The following TPD52 variants were observed in gnomAD, a reference collection of about 807,000 sequenced individuals.
TPD52 encodes the protein tumor protein D52.
A neutral mutation model predicts 31.3 loss-of-function variants in TPD52; 17 were observed. The ratio of observed to expected loss-of-function variants is 0.54; its 90% CI spans 0.37 to 0.82. The LOEUF is 0.82. Among genes scored for constraint, TPD52 ranks in the 40% least tolerant of loss-of-function variants. The pLI is 0.00. For synonymous variants in TPD52, 83 were observed against 89.6 expected, an observed-to-expected ratio of 0.93 and a Z score of 0.42; for missense variants, 212 against 240.1, an observed-to-expected ratio of 0.88 and a Z score of 0.77.
intron 1 of TPD52, among the ~76,000 whole-genome samples, chr8:80,088,414 T>C (rs1402904334): frequency 6.6e-6 from 1 of 152,166 alleles, no homozygotes; most frequent in East Asian, 1.9e-4. Context: ...AGTCATGTTA[T>C]CTCCAATTTC....
chr8:80,088,938 G>A (rs887825760), intron 1 of TPD52, among the ~76,000 whole-genome samples: 2 of 152,044 alleles, frequency 1.3e-5, no homozygotes, highest in Non-Finnish European at 1.5e-5. Context: ...CTCGTGATCC[G>A]CCCGCCTCGG....
At chr8:80,146,945 G>A (rs1218579452) in intron 1 of TPD52, among the ~76,000 whole-genome samples, 1 of 152,156 alleles carries the variant, frequency 6.6e-6, no homozygotes, top group Non-Finnish European at 1.5e-5. Flanking sequence ...AGCATCACCT[G>A]TGAACTTGCT....
chr8:80,163,380 C>T (rs886459336), intron 1 of TPD52, among the ~76,000 whole-genome samples: 7 of 152,190 alleles, frequency 4.6e-5, no homozygotes, highest in Non-Finnish European at 1.5e-5. Flanking sequence ...ACAAATACTG[C>T]ATGATTCCAC....
chr8:80,071,611 T>C (rs1185529734), intron 1 of TPD52, among the ~76,000 whole-genome samples: 1 of 152,042 alleles, frequency 6.6e-6, no homozygotes, highest in African/African-American at 2.4e-5. Flanking sequence ...CTCTCCTCCC[T>C]CCTGGTTTTT....
At chr8:80,100,130 G>A (rs1806629796) in intron 1 of TPD52, among the ~76,000 whole-genome samples, 4 of 152,190 alleles carry the variant, frequency 2.6e-5, no homozygotes. Context: ...ATTTGATTTA[G>A]AAAGATAATC....
chr8:80,052,854 G>C (rs1275634043), intron 3 of TPD52, among the ~76,000 whole-genome samples: 1 of 152,056 alleles, frequency 6.6e-6, no homozygotes, highest in Non-Finnish European at 1.5e-5. Context: ...TAATAATAAA[G>C]ACTGGCTCCA....
chr8:80,065,135 C>CTTT (rs199748248), intron 1 of TPD52, among the ~76,000 whole-genome samples: 2 of 151,700 alleles, frequency 1.3e-5, no homozygotes, highest in African/African-American at 4.8e-5. Flanking sequence ...CTTGTAAGTT[C>CTTT]TTTTTTTGTT....
chr8:80,037,923 T>C lies in TPD52; in HGVS notation c.*193A>G. Reference sequence around the variant, plus strand: ...TAAATAAAGGAACATAAATGTACACTAAAGGGTGTTTCCCAAGAATAGAGG... The same window carrying C: ...TAAATAAAGGAACATAAATGTACACCAAAGGGTGTTTCCCAAGAATAGAGG... On this transcript the variant is annotated 3_prime_UTR_variant, in exon 8 of 8. Coordinates refer to ENST00000518937, the MANE Select transcript of TPD52 (RefSeq NM_001025253.3). The C allele has an allele frequency of 1.6e-6, 1 of 631,672 alleles. No individual in the cohort carries two copies. 39.1% of individuals were successfully genotyped at this position (631,672 alleles called of 1,614,324 possible).
intron 1 of TPD52, among the ~76,000 whole-genome samples, chr8:80,100,089 C>T (rs758177137): frequency 6.6e-6 from 1 of 152,140 alleles, no homozygotes; most frequent in Admixed American, 6.5e-5. Context: ...TCAAAACACG[C>T]AATTTTAAAT....
chr8:80,108,449 A>G (rs1410263161), intron 1 of TPD52, among the ~76,000 whole-genome samples: 3 of 152,124 alleles, frequency 2.0e-5, no homozygotes, highest in Admixed American at 2.0e-4. Context: ...TTATAATGAA[A>G]CCTCATTAGA....
At chr8:80,126,188 A>C (rs1563644823) in intron 1 of TPD52, among the ~76,000 whole-genome samples, 3 of 152,212 alleles carry the variant, frequency 2.0e-5, no homozygotes, top group African/African-American at 7.2e-5. Flanking sequence ...TGAAAAACTA[A>C]GCATAAATTT....
At chr8:80,140,859 G>T (rs532175174) in intron 1 of TPD52, among the ~76,000 whole-genome samples, 35 of 152,040 alleles carry the variant, frequency 2.3e-4, no homozygotes, top group African/African-American at 7.7e-4. Flanking sequence ...CCTCAGATTT[G>T]ATTTAACCCT....
chr8:80,079,823 TAAAA>T lies in TPD52; in HGVS notation c.20-15234_20-15231del, dbSNP rs11293416. 2.0e-5 allele frequency among the ~76,000 whole-genome samples: 3 copies of T among 150,660 alleles called. No individual in the cohort carries two copies. In the South Asian group the frequency reaches 6.3e-4, roughly 32 times the overall value. On this transcript the variant is annotated intron_variant, in intron 1 of 7. Transcript: ENST00000518937. ...GGTACAGCAATTTCTAGTTTTTCTT[TAAAA>T]AAAAAAAAATCTCTTGCCTAGCAAT...
intron 1 of TPD52, among the ~76,000 whole-genome samples, chr8:80,126,486 T>A (rs932133343): frequency 2.0e-5 from 3 of 148,356 alleles, no homozygotes; most frequent in East Asian, 1.9e-4. Flanking sequence ...ATAATTTTTT[T>A]TTTTTTTTTT....
At chr8:80,086,101 C>CTTT (rs762805549) in intron 1 of TPD52, among the ~76,000 whole-genome samples, 3 of 112,670 alleles carry the variant, frequency 2.7e-5, no homozygotes, top group Admixed American at 9.8e-5. Flanking sequence ...GGTTTTTTTG[C>CTTT]TTTTTTTTTT....
chr8:80,104,785 C>A (rs1172905473), intron 1 of TPD52, among the ~76,000 whole-genome samples: 1 of 151,646 alleles, frequency 6.6e-6, no homozygotes, highest in East Asian at 1.9e-4. Context: ...TTAGGCTGGG[C>A]GTGCTGACTC....
intron 1 of TPD52, 102 bp downstream of exon 1, chr8:80,171,323 T>G: frequency 6.7e-7 from 1 of 1,491,438 alleles, no homozygotes; most frequent in Non-Finnish European, 9.1e-7. Context: ...GCTCGGCACC[T>G]GCTCGAGCCG....
chr8:80,154,702 GACATACAC>G (rs1191878486), intron 1 of TPD52, among the ~76,000 whole-genome samples: 3 of 94,802 alleles, frequency 3.2e-5, no homozygotes, highest in Admixed American at 1.4e-4. Context: ...TTTGAATCAT[GACATACAC>G]ACACACACAC....
intron 1 of TPD52, among the ~76,000 whole-genome samples, chr8:80,154,190 T>G (rs947146099): frequency 6.6e-6 from 1 of 152,174 alleles, no homozygotes; most frequent in Non-Finnish European, 1.5e-5. Context: ...AGCTAAAGGG[T>G]GACTGCATGG....
Sources: gnomAD v4.1 joint callset for allele counts (sites outside exome capture counted in the v4.1 genomes callset) on GRCh38, gnomAD v4.1.1 for gene constraint, MANE v1.5 for transcripts, NCBI Gene and HGNC (gene_info 2026-07-23, HGNC 2026-07-21) for gene names.